Variants in CACNA1H observed in about 807,000 individuals in gnomAD.
The protein encoded by CACNA1H is calcium voltage-gated channel subunit alpha1 H.
In CACNA1H, 149 loss-of-function variants were observed where a neutral mutation model predicts 192.5. The observed-to-expected ratio is 0.77, with a 90% CI of 0.68 to 0.89. The LOEUF is 0.89. Among genes scored for constraint, CACNA1H ranks in the 40% least tolerant of loss-of-function variants. CACNA1H has a pLI of 0.00. For synonymous variants in CACNA1H, 2,202 were observed against 1,475.2 expected (o/e 1.49, Z -11.29); for missense variants, 4,257 against 3,423.5 (o/e 1.24, Z -6.08).
At chr16:1,172,100 C>T (rs894367887) in intron 2 of CACNA1H, among the ~76,000 whole-genome samples, 13 of 152,002 alleles carry the variant, frequency 8.6e-5, no homozygotes, top group Non-Finnish European at 1.8e-4. Context: ...CAGACGTCAC[C>T]GGGATGATGC....
rs563400847 is a variant in CACNA1H, at chr16:1,212,150, CCGGTGG to C, written c.4759+28_4759+33del. 4.0e-4 allele frequency: 643 copies of C among 1,598,454 alleles called. 4 individuals carry two copies. Among genetic ancestry groups the C allele is most frequent in the African/African-American group, 2.2e-3 (162 of 74,844 alleles). On this transcript the variant is annotated intron_variant, in intron 25 of 34. Coordinates refer to ENST00000348261, the MANE Select transcript of CACNA1H (RefSeq NM_021098.3). ...GAGGAGGCGCAGGAGTAAGGCGCTCCCGGTGGCGGTGGCGGTGGCGGGTCGGTACCT... is the reference window on the plus strand; with the variant it reads ...GAGGAGGCGCAGGAGTAAGGCGCTCCCGGTGGCGGTGGCGGGTCGGTACCT...
chr16:1,207,113 T>A lies in CACNA1H; in HGVS notation c.2902T>A (p.Phe968Ile). Residue 968 changes from phenylalanine (F) to isoleucine (I), a missense_variant, in exon 13 of 35, where the codon TTC (phenylalanine) becomes ATC (isoleucine). Transcript: ENST00000348261. Reference sequence around the variant, plus strand: ...CCTGCTGTGGGCCATCGTCACCGTGTTCCAGGTAGTGCCCGGGGTCCCCGC... The same window carrying A: ...CCTGCTGTGGGCCATCGTCACCGTGATCCAGGTAGTGCCCGGGGTCCCCGC... Reference protein sequence around the residue: ...DSLLWAIVTVFQILTQEDWNV... With the variant: ...DSLLWAIVTVIQILTQEDWNV... 1.3e-6 allele frequency: 2 copies of A among 1,587,664 alleles called. No homozygotes were observed. The highest frequency in any genetic ancestry group is 1.7e-6 in the Non-Finnish European group (2 of 1,166,584).
In CACNA1H at chr16:1,219,181, G is replaced by C. The variant is rs1970282260; in HGVS notation, c.6048+51G>C. 6 of 1,462,202 alleles carry C rather than the reference G, an allele frequency of 4.1e-6. No homozygotes were observed. In the East Asian group the frequency reaches 1.5e-4, roughly 37 times the overall value. The allele number at this position is 1,462,202 out of a possible 1,614,324, so 90.6% of individuals were successfully genotyped here. A position where few individuals can be genotyped will look rare whatever the true frequency, so the allele number is the denominator to read the frequency against. ...AGAGGCTGGCGGGGATGGGGGGCTTGCAGGGATGCCTCGTCTCATCTGAAG... is the reference window on the plus strand; with the variant it reads ...AGAGGCTGGCGGGGATGGGGGGCTTCCAGGGATGCCTCGTCTCATCTGAAG... On this transcript the variant is annotated intron_variant, in intron 34 of 34. Coordinates refer to ENST00000348261, the MANE Select transcript of CACNA1H (RefSeq NM_021098.3).
At chr16:1,181,859 C>T (rs1965502397) in intron 2 of CACNA1H, among the ~76,000 whole-genome samples, 2 of 152,138 alleles carry the variant, frequency 1.3e-5, no homozygotes, top group South Asian at 4.1e-4. Context: ...ACATCACACA[C>T]CCACACCCGG....
rs1161029803 is a variant in CACNA1H at position 1,208,095 on chromosome 16, C to T, written c.3237C>T (p.Cys1079=). ...GCCTGTCCCCTCCCCTCATCATGTGCACAGCTGCCACGCCCATGCCTACCC... is the reference window on the plus strand; with the variant it reads ...GCCTGTCCCCTCCCCTCATCATGTGTACAGCTGCCACGCCCATGCCTACCC... ...RGSLSPPLIM[C]TAATPMPTPK... The change falls in exon 16 of 35, where the codon TGC becomes TGT. Residue 1079 remains cysteine (C), a synonymous_variant. Coordinates refer to ENST00000348261, the MANE Select transcript of CACNA1H (RefSeq NM_021098.3). The T allele has an allele frequency of 1.9e-6, 3 of 1,596,832 alleles. No individual in the cohort carries two copies. The highest frequency in any genetic ancestry group is 1.7e-5 in the Admixed American group (1 of 58,156).
At chr16:1,181,533 C>T (rs1003229084) in intron 2 of CACNA1H, among the ~76,000 whole-genome samples, 1 of 152,274 alleles carries the variant, frequency 6.6e-6, no homozygotes, top group African/African-American at 2.4e-5. Context: ...CTCAAGCTTC[C>T]CGCAGGCACG....
chr16:1,190,793 C>T (rs1030811348), intron 2 of CACNA1H, among the ~76,000 whole-genome samples: 11 of 152,202 alleles, frequency 7.2e-5, no homozygotes, highest in Admixed American at 5.2e-4. Context: ...AGAGGATCTA[C>T]GATGGGTAGG....
chr16:1,163,285 C>CG (rs1567437988), intron 2 of CACNA1H, among the ~76,000 whole-genome samples: 3 of 152,202 alleles, frequency 2.0e-5, no homozygotes, highest in Admixed American at 6.5e-5. Context: ...AGGTGGGTGT[C>CG]GGGCGTTGAG....
At chr16:1,200,145 C>CCCTGAT (rs1967651158) in intron 6 of CACNA1H, 111 bp from the exon 7 acceptor site, 1 of 880,326 alleles carries the variant, frequency 1.1e-6, no homozygotes, top group South Asian at 1.7e-5. Flanking sequence ...CTGGCCCTGA[C>CCCTGAT]CCTGATCACG....
At position 1,162,906 on chromosome 16, in the gene CACNA1H, T is replaced by C. The variant is rs556508399; in HGVS notation, c.299+8870T>C. On this transcript the variant is annotated intron_variant, in intron 2 of 34. Transcript: ENST00000348261. Reference sequence around the variant, plus strand: ...GCGAGCAGAGGTCAGTGGCCCCAGGTCCCTGGAACGCCTCTTCTCACGGCC... The same window carrying C: ...GCGAGCAGAGGTCAGTGGCCCCAGGCCCCTGGAACGCCTCTTCTCACGGCC... 4.4e-4 allele frequency among the ~76,000 whole-genome samples: 67 copies of C among 152,266 alleles called. 2 individuals are homozygous for C. The South Asian group carries it at 7.7e-3, about 17-fold the overall frequency.
Position 1,205,280 on chromosome 16 carries a change from T to C in CACNA1H, c.2603+15T>C. ...GTGGTCATCAGGTGGGTCCCCACCC[T>C]CTCCCCAGGAAGAGGGGCCCGGGAA... On this transcript the variant is annotated intron_variant, in intron 11 of 34. Transcript: ENST00000348261. 6.3e-7 allele frequency: 1 copy of C among 1,586,226 alleles called. No individual in the cohort carries two copies. Among genetic ancestry groups the C allele is most frequent in the Non-Finnish European group, 8.6e-7 (1 of 1,160,658 alleles).
At chr16:1,155,021 C>A (rs949249659) in intron 2 of CACNA1H, among the ~76,000 whole-genome samples, 9 of 152,180 alleles carry the variant, frequency 5.9e-5, no homozygotes, top group Non-Finnish European at 1.0e-4. Flanking sequence ...CCGCAGACGT[C>A]CCCCGTCGGA....
chr16:1,185,817 G>A (rs867582380), intron 2 of CACNA1H, among the ~76,000 whole-genome samples: 1 of 28,534 alleles, frequency 3.5e-5, no homozygotes. Context: ...GACGGTCGGC[G>A]TGCGTAGGGG....
chr16:1,185,695 G>A (rs374231081), intron 2 of CACNA1H, among the ~76,000 whole-genome samples: 4 of 104,796 alleles, frequency 3.8e-5, no homozygotes, highest in East Asian at 3.1e-4. Flanking sequence ...GGGCGGGTGA[G>A]TAGACGGTCG....
At position 1,198,778 on chromosome 16, in the gene CACNA1H, C is replaced by G; in HGVS notation, c.803+4C>G. On this transcript the variant is annotated splice_donor_region_variant and intron_variant, in intron 6 of 34. Transcript: ENST00000348261. ...TCCTGGACAGTGCCTTTGTCAGGTG[C>G]CCAGGCCCCACCCCCGTGAGGCCCC... The G allele has an allele frequency of 6.2e-7, 1 of 1,607,802 alleles. No individual in the cohort carries two copies. The highest frequency in any genetic ancestry group is 8.5e-7 in the Non-Finnish European group (1 of 1,177,892).
chr16:1,202,443 G>T lies in CACNA1H; in HGVS notation c.1993G>T (p.Gly665Trp). 1.3e-6 allele frequency: 2 copies of T among 1,492,188 alleles called. No individual in the cohort carries two copies. Among genetic ancestry groups the T allele is most frequent in the South Asian group, 1.3e-5 (1 of 76,252 alleles). 92.4% of individuals were successfully genotyped at this position (1,492,188 alleles called of 1,614,324 possible). Residue 665 changes from glycine (G) to tryptophan (W), a missense_variant, in exon 9 of 35, where the codon GGG becomes TGG. Coordinates refer to ENST00000348261, the MANE Select transcript of CACNA1H (RefSeq NM_021098.3). ...CTACGAGAAGATCCCGCATGTGGTC[G>T]GGGAGCATGGTGAGGACCCAGCCCC... ...DPYEKIPHVV[G>W]EHGLGQAPGH...
intron 2 of CACNA1H, among the ~76,000 whole-genome samples, chr16:1,177,124 G>A (rs1964966604): frequency 6.6e-6 from 1 of 152,176 alleles, no homozygotes; most frequent in African/African-American, 2.4e-5. Flanking sequence ...TGTCTGTCCT[G>A]GGCGGCCCTT....
chr16:1,213,367 G>A (rs948465700), intron 26 of CACNA1H, among the ~76,000 whole-genome samples: 6 of 151,972 alleles, frequency 3.9e-5, no homozygotes, highest in Non-Finnish European at 5.9e-5. Flanking sequence ...CACGTGCTGC[G>A]CCAACTTGGG....
At position 1,202,027 on chromosome 16, in the gene CACNA1H, A is replaced by G; in HGVS notation, c.1577A>G (p.His526Arg). 2.0e-6 allele frequency: 3 copies of G among 1,537,064 alleles called. No individual in the cohort carries two copies. The highest frequency in any genetic ancestry group is 2.6e-6 in the Non-Finnish European group (3 of 1,143,784). ...HLVYHHHHHH[H>R]HHYHFSHGSP... ...GTCTACCACCACCATCACCACCACC[A>G]CCACCACTACCATTTCAGCCATGGC... The change falls in exon 9 of 35, where the codon CAC becomes CGC. Residue 526 changes from histidine (H) to arginine (R), a missense_variant. Coordinates refer to ENST00000348261, the MANE Select transcript of CACNA1H (RefSeq NM_021098.3).
Sources: gnomAD v4.1 joint callset for allele counts (sites outside exome capture counted in the v4.1 genomes callset) on GRCh38, gnomAD v4.1.1 for gene constraint, MANE v1.5 for transcripts, NCBI Gene and HGNC (gene_info 2026-07-23, HGNC 2026-07-21) for gene names.